The following CNTN5 variants were observed in gnomAD, a reference collection of about 807,000 sequenced individuals.
CNTN5 encodes the protein contactin-5.
A neutral mutation model predicts 129.1 loss-of-function variants in CNTN5; 77 were observed. The observed-to-expected ratio is 0.60, with a 90% CI of 0.50 to 0.72. CNTN5 has a LOEUF of 0.72. CNTN5 is among the 30% of genes least tolerant of loss of function. The pLI is 0.00. For synonymous variants in CNTN5, 509 were observed against 465.6 expected (o/e 1.09, Z -1.20); for missense variants, 1,478 against 1,328.8 (o/e 1.11, Z -1.75).
intron 18 of CNTN5, among the ~76,000 whole-genome samples, chr11:100,291,177 A>G (rs1950956553): frequency 1.3e-5 from 2 of 150,628 alleles, no homozygotes; most frequent in Admixed American, 6.6e-5. Flanking sequence ...AAACTAGTTC[A>G]ACCATTGTGG....
intron 2 of CNTN5, among the ~76,000 whole-genome samples, chr11:99,425,572 T>C (rs10893311): frequency 1 from 151,954 of 152,370 alleles, 75,772 homozygotes; most frequent in Middle Eastern, 1. Context: ...GCACACTCCC[T>C]GGTTTGCAAC....
intron 15 of CNTN5, among the ~76,000 whole-genome samples, chr11:100,196,222 C>T (rs1055557153): frequency 2.3e-4 from 35 of 152,038 alleles, no homozygotes; most frequent in African/African-American, 8.2e-4. Flanking sequence ...CAGAACCCTG[C>T]CAGTGGGTGA....
At chr11:100,161,779 T>G (rs551615006) in intron 13 of CNTN5, among the ~76,000 whole-genome samples, 1 of 150,116 alleles carries the variant, frequency 6.7e-6, no homozygotes, top group African/African-American at 2.5e-5. Context: ...GGTCTGTGCT[T>G]TTTTAGACTA....
chr11:99,050,669 T>G (rs1864390431), intron 1 of CNTN5, among the ~76,000 whole-genome samples: 1 of 151,794 alleles, frequency 6.6e-6, no homozygotes, highest in Non-Finnish European at 1.5e-5. Context: ...TAAGAGTTAC[T>G]CACATAGTTA....
intron 1 of CNTN5, among the ~76,000 whole-genome samples, chr11:99,039,648 C>T (rs1037824931): frequency 1.3e-5 from 2 of 152,068 alleles, no homozygotes; most frequent in Non-Finnish European, 1.5e-5. Flanking sequence ...ACCTTCTTAC[C>T]TCTGTGATTT....
intron 15 of CNTN5, among the ~76,000 whole-genome samples, chr11:100,194,570 T>C (rs982259424): frequency 1.3e-5 from 2 of 151,448 alleles, no homozygotes; most frequent in Non-Finnish European, 2.9e-5. Flanking sequence ...TCAGTGTCAA[T>C]TGGATTTTAT....
intron 3 of CNTN5, among the ~76,000 whole-genome samples, chr11:99,781,820 C>T (rs543461457): frequency 1.1e-4 from 17 of 152,144 alleles, no homozygotes; most frequent in Admixed American, 2.6e-4. Context: ...ATTGATGGGA[C>T]GTATCTCAAA....
intron 13 of CNTN5, among the ~76,000 whole-genome samples, chr11:100,160,321 T>C (rs1046132817): frequency 6.6e-6 from 1 of 152,014 alleles, no homozygotes; most frequent in Non-Finnish European, 1.5e-5. Flanking sequence ...AGTCTCTCAT[T>C]GATGGGCATT....
chr11:100,073,239 GT>G (rs1944000083), intron 12 of CNTN5, among the ~76,000 whole-genome samples: 1 of 151,792 alleles, frequency 6.6e-6, no homozygotes, highest in South Asian at 2.1e-4. Flanking sequence ...TAGAGATGGG[GT>G]TTCACCGTGT....
rs555792481 is a variant in CNTN5, at chr11:99,267,458, C to A, written c.-209-57888C>A. On this transcript the variant is annotated intron_variant, in intron 1 of 24. Transcript: ENST00000524871. ...TCTATGTTACAGTCTATGTGCAATT[C>A]AAAAATGTAACACTTATCTTTTTCT... Among the ~76,000 whole-genome samples, 8 of 151,866 alleles carry A rather than the reference C, an allele frequency of 5.3e-5. No homozygotes were observed. The East Asian group carries it at 1.2e-3, about 22-fold the overall frequency.
rs1357388266 is a variant in CNTN5, at chr11:99,614,990, GATAA to G, written c.55+58725_55+58728del. 2.7e-5 allele frequency among the ~76,000 whole-genome samples: 4 copies of G among 150,308 alleles called. No individual in the cohort carries two copies. In the Admixed American group the frequency reaches 2.7e-4, roughly 10 times the overall value. ...GTGTGTGTAGGTAGGTAGGGAGACA[GATAA>G]ATATAGAAGTAATACTATATCTATT... is the stretch of plus-strand genomic sequence containing the variant. On this transcript the variant is annotated intron_variant, in intron 3 of 24. Transcript: ENST00000524871.
At chr11:99,615,672 A>G (rs1241376280) in intron 3 of CNTN5, among the ~76,000 whole-genome samples, 1 of 152,176 alleles carries the variant, frequency 6.6e-6, no homozygotes, top group Non-Finnish European at 1.5e-5. Context: ...TATTAATAGT[A>G]TGTTGTGTAA....
chr11:99,780,210 G>A (rs1391243852), intron 3 of CNTN5, among the ~76,000 whole-genome samples: 2 of 151,740 alleles, frequency 1.3e-5, no homozygotes, highest in African/African-American at 4.8e-5. Context: ...TAAGCCTTTT[G>A]CATGCAGTCC....
chr11:99,058,909 G>A (rs1163526529), intron 1 of CNTN5, among the ~76,000 whole-genome samples: 4 of 149,566 alleles, frequency 2.7e-5, no homozygotes, highest in Non-Finnish European at 5.9e-5. Flanking sequence ...ACTGATGGTG[G>A]GCAGTTATAT....
At chr11:99,583,761 C>G (rs1271240139) in intron 3 of CNTN5, among the ~76,000 whole-genome samples, 1 of 152,152 alleles carries the variant, frequency 6.6e-6, no homozygotes, top group Non-Finnish European at 1.5e-5. Flanking sequence ...TTCCTTGACC[C>G]CTTGTGCTTC....
chr11:99,260,735 C>T (rs1390808694), intron 1 of CNTN5, among the ~76,000 whole-genome samples: 1 of 151,834 alleles, frequency 6.6e-6, no homozygotes, highest in Non-Finnish European at 1.5e-5. Context: ...TTCACATATT[C>T]CCAATTACTA....
intron 3 of CNTN5, among the ~76,000 whole-genome samples, chr11:99,599,088 G>T (rs915076644): frequency 6.6e-6 from 1 of 151,788 alleles, no homozygotes; most frequent in Non-Finnish European, 1.5e-5. Context: ...TAGATACATG[G>T]TTAATTGATT....
At chr11:100,184,551 C>T (rs1391572414) in intron 13 of CNTN5, among the ~76,000 whole-genome samples, 1 of 152,150 alleles carries the variant, frequency 6.6e-6, no homozygotes, top group Admixed American at 6.5e-5. Flanking sequence ...ACATACAAGA[C>T]AAATTCTGCC....
At chr11:99,467,423 A>G (rs1249417881) in intron 2 of CNTN5, among the ~76,000 whole-genome samples, 3 of 152,206 alleles carry the variant, frequency 2.0e-5, no homozygotes, top group Admixed American at 1.3e-4. Context: ...TGCTAGTTAC[A>G]TGAGTAACGT....
Sources: allele counts gnomAD v4.1 joint callset (sites outside exome capture counted in the v4.1 genomes callset), GRCh38; gene constraint gnomAD v4.1.1; transcripts MANE v1.5; gene names NCBI Gene and HGNC (gene_info 2026-07-23, HGNC 2026-07-21).